The following EIF4A3 variants were observed in gnomAD, a reference collection of about 807,000 sequenced individuals.
EIF4A3 encodes the protein eukaryotic initiation factor 4A-III.
Under a neutral mutation model 55.6 loss-of-function variants are expected in EIF4A3, and 1 was observed. The observed-to-expected ratio is 0.02, with a 90% CI of 0.01 to 0.09. The LOEUF (loss-of-function observed/expected upper bound fraction) is 0.09. Among genes scored for constraint, EIF4A3 ranks in the 10% least tolerant of loss-of-function variants. The pLI is 1.00. For missense variants in EIF4A3, 221 were observed against 540.7 expected, an observed-to-expected ratio of 0.41 and a Z score of 5.86; for synonymous variants, 194 against 196.3, an observed-to-expected ratio of 0.99 and a Z score of 0.10.
Position 80,147,118 on chromosome 17 carries a change from G to A in EIF4A3, c.-157C>T, listed in dbSNP as rs1024746324. ...CTGCCGACCTCGCTGTGCCGCTGCCGACCTCGCTGTGCCGCTGCCGAGAAC... is the reference window on the plus strand; with the variant it reads ...CTGCCGACCTCGCTGTGCCGCTGCCAACCTCGCTGTGCCGCTGCCGAGAAC... On this transcript the variant is annotated 5_prime_UTR_variant, in exon 1 of 12. Transcript: ENST00000649764. The A allele has an allele frequency of 1.7e-6, 2 of 1,170,440 alleles. No homozygotes were observed. Among genetic ancestry groups the A allele is most frequent in the African/African-American group, 1.6e-5 (1 of 61,546 alleles). 72.5% of individuals were successfully genotyped at this position (1,170,440 alleles called of 1,614,324 possible).
intron 4 of EIF4A3, 110 bp from the exon 5 acceptor site, chr17:80,140,250 A>G (rs2039606302): frequency 1.5e-6 from 2 of 1,292,652 alleles, no homozygotes; most frequent in Non-Finnish European, 2.0e-6. Context: ...TATTTATGCC[A>G]TTATTATCTC....
At position 80,134,876 on chromosome 17, in the gene EIF4A3, G is replaced by C. The variant is rs904103931; in HGVS notation, c.*614C>G. On this transcript the variant is annotated 3_prime_UTR_variant, in exon 12 of 12. Transcript: ENST00000649764. ...TAGAAAAGTGAGTGAAATGGGCCGG[G>C]TGCAGTGGCTCACGCCTGTAATCCC... 1.3e-5 allele frequency among the ~76,000 whole-genome samples: 2 copies of C among 152,302 alleles called. 1 individual carries two copies. Among genetic ancestry groups the C allele is most frequent in the African/African-American group, 4.8e-5 (2 of 41,578 alleles).
In EIF4A3 at chr17:80,134,524, A is replaced by C. The variant is rs1047882242; in HGVS notation, c.*966T>G. On this transcript the variant is annotated 3_prime_UTR_variant, in exon 12 of 12. Coordinates refer to ENST00000649764, the MANE Select transcript of EIF4A3 (RefSeq NM_014740.4). ...GGGCTCTCAAAAAAACAACAAAAAA[A>C]AAAAATTAGAAAAATGAGGCCAGGC... is the stretch of plus-strand genomic sequence containing the variant. Among the ~76,000 whole-genome samples the C allele has an allele frequency of 3.3e-5, 5 of 151,994 alleles. No individual in the cohort carries two copies. The highest frequency in any genetic ancestry group is 2.9e-5 in the Non-Finnish European group (2 of 68,006).
Position 80,139,012 on chromosome 17 carries a change from G to C in EIF4A3, c.728+9C>G, listed in dbSNP as rs1303083765. 1.9e-6 allele frequency: 3 copies of C among 1,612,718 alleles called. No individual in the cohort carries two copies. The highest frequency in any genetic ancestry group is 2.5e-6 in the Non-Finnish European group (3 of 1,179,402). On this transcript the variant is annotated intron_variant, in intron 7 of 11. Transcript: ENST00000649764. ...GTGTTTTAGTAAACTTGACAAGAGG[G>C]GCTCCTACCGTTTCACCAAGATGCG...
chr17:80,138,839 AG>A lies in EIF4A3; in HGVS notation c.728+181del. The stretch of plus-strand genomic sequence containing the variant: ...GGTTTTTTAAAACAGGAATTTTAAA[AG>A]AATTTGCATGCTTTCAATTCCTTTA... On this transcript the variant is annotated intron_variant, in intron 7 of 11. Transcript: ENST00000649764. 3.9e-6 allele frequency: 3 copies of A among 777,468 alleles called. No homozygotes were observed. In the South Asian group the frequency reaches 5.9e-5, roughly 15 times the overall value. The allele number at this position is 777,468 out of a possible 1,614,324, so 48.2% of individuals were successfully genotyped here.
intron 11 of EIF4A3, 106 bp from the exon 12 acceptor site, chr17:80,135,612 C>T (rs904962848): frequency 1.4e-5 from 14 of 1,027,212 alleles, no homozygotes; most frequent in Non-Finnish European, 2.0e-5. Context: ...AAACAAAAAA[C>T]AGGCCAGACA....
chr17:80,141,142 A>G (rs980134435), intron 4 of EIF4A3, among the ~76,000 whole-genome samples, 177 bp downstream of exon 4: 1 of 152,240 alleles, frequency 6.6e-6, no homozygotes, highest in Non-Finnish European at 1.5e-5. Context: ...GCCACACCAA[A>G]AATGACTTAA....
chr17:80,141,456 T>G, intron 3 of EIF4A3, 75 bp from the exon 4 acceptor site: 2 of 1,404,534 alleles, frequency 1.4e-6, no homozygotes, highest in African/African-American at 1.4e-5. Context: ...CACACTCAGA[T>G]CTATATGAGA....
At position 80,147,050 on chromosome 17, in the gene EIF4A3, C is replaced by T. The variant is rs796635074; in HGVS notation, c.-89G>A. 5 of 1,220,834 alleles carry T rather than the reference C, an allele frequency of 4.1e-6. No individual in the cohort carries two copies. In the Admixed American group the frequency reaches 1.6e-4, roughly 39 times the overall value. 75.6% of individuals were successfully genotyped at this position (1,220,834 alleles called of 1,614,324 possible). ...CGCTGTGCCGCTGCCGACCTCGCTG[C>T]CGCTGCCGACCTCGCTGTGCCGCTG... On this transcript the variant is annotated 5_prime_UTR_variant, in exon 1 of 12. Coordinates refer to ENST00000649764, the MANE Select transcript of EIF4A3 (RefSeq NM_014740.4).
Position 80,136,114 on chromosome 17 carries a change from C to T in EIF4A3, c.1109G>A (p.Arg370Gln). The change falls in exon 11 of 12, where the codon CGA (arginine) becomes CAA (glutamine). Residue 370 changes from arginine to glutamine, a missense_variant. Arg to Gln is a conservative substitution (Grantham distance 43, BLOSUM62 1). Coordinates refer to ENST00000649764, the MANE Select transcript of EIF4A3 (RefSeq NM_014740.4). ...AATGGCCACACCCTTCCGGCCGTAT[C>T]GACCTGATCTCCCAATTCTTCAGGA... The part of the protein sequence containing the change: ...LYIHRIGRSG[R>Q]YGRKGVAINF... 1 of 1,614,120 alleles carries T rather than the reference C, an allele frequency of 6.2e-7. No individual in the cohort carries two copies. Among genetic ancestry groups the T allele is most frequent in the Non-Finnish European group, 8.5e-7 (1 of 1,180,026 alleles).
At chr17:80,136,472 C>T in intron 9 of EIF4A3, 137 bp from the exon 10 acceptor site, 2 of 681,886 alleles carry the variant, frequency 2.9e-6, no homozygotes, top group Non-Finnish European at 5.0e-6. Context: ...AACAGTCTGT[C>T]TGCAAACGTG....
At chr17:80,136,554 G>T in intron 9 of EIF4A3, 1 of 546,252 alleles carries the variant, frequency 1.8e-6, no homozygotes, top group Non-Finnish European at 3.2e-6. Context: ...TCGGTCATGT[G>T]CTCCATCAGA....
chr17:80,135,374 C>A lies in EIF4A3; in HGVS notation c.*116G>T. ...TCTTCAAAGGAAGGGAGACGGCAGGCCATTTATGAGAAGAAAGTCCATATA... is the reference window on the plus strand; with the variant it reads ...TCTTCAAAGGAAGGGAGACGGCAGGACATTTATGAGAAGAAAGTCCATATA... On this transcript the variant is annotated 3_prime_UTR_variant, in exon 12 of 12. Coordinates refer to ENST00000649764, the MANE Select transcript of EIF4A3 (RefSeq NM_014740.4). 4 of 1,225,730 alleles carry A rather than the reference C, an allele frequency of 3.3e-6. No individual in the cohort carries two copies. Among genetic ancestry groups the A allele is most frequent in the Admixed American group, 3.3e-5 (1 of 30,750 alleles). 75.9% of individuals were successfully genotyped at this position (1,225,730 alleles called of 1,614,324 possible).
chr17:80,136,383 G>T (rs1409723248), intron 9 of EIF4A3, 48 bp from the exon 10 acceptor site: 3 of 1,478,998 alleles, frequency 2.0e-6, no homozygotes, highest in Non-Finnish European at 1.9e-6. Flanking sequence ...TCATACAAGT[G>T]TAAGACTGGA....
rs542103045 is a variant in EIF4A3 at position 80,138,079 on chromosome 17, G to A, written c.867+63C>T. 32 of 1,574,516 alleles carry A rather than the reference G, an allele frequency of 2.0e-5. No individual in the cohort carries two copies. In the East Asian group the frequency reaches 5.6e-4, roughly 28 times the overall value. On this transcript the variant is annotated intron_variant, in intron 8 of 11. Coordinates refer to ENST00000649764, the MANE Select transcript of EIF4A3 (RefSeq NM_014740.4). ...CCTTTACTGAAAAATCTTGATTTAT[G>A]TCATTCAGAGACTCAATCTGCAGTT...
Position 80,136,696 on chromosome 17 carries a change from C to T in EIF4A3, c.984-361G>A, listed in dbSNP as rs143210721. On this transcript the variant is annotated intron_variant, in intron 9 of 11. Coordinates refer to ENST00000649764, the MANE Select transcript of EIF4A3 (RefSeq NM_014740.4). ...CGGTAACTTCAGCCGGGCATGGCGG[C>T]GGCTTATGCCTGTAATCCCAGCACT... 867 of 208,550 alleles carry T rather than the reference C, an allele frequency of 4.2e-3. 5 individuals are homozygous for T. Among genetic ancestry groups the T allele is most frequent in the South Asian group, 0.015 (158 of 10,686 alleles). 12.9% of individuals were successfully genotyped at this position (208,550 alleles called of 1,614,324 possible). A position where few individuals can be genotyped will look rare whatever the true frequency, so the allele number is the denominator to read the frequency against.
intron 6 of EIF4A3, 77 bp from the exon 7 acceptor site, chr17:80,139,239 C>T: frequency 1.9e-6 from 3 of 1,565,402 alleles, no homozygotes; most frequent in African/African-American, 1.4e-5. Context: ...CCCAGTGTTC[C>T]CACTGGGTTA....
At chr17:80,142,956 T>C (rs2039629744) in intron 2 of EIF4A3, among the ~76,000 whole-genome samples, 2 of 152,144 alleles carry the variant, frequency 1.3e-5, no homozygotes, top group African/African-American at 2.4e-5. Flanking sequence ...GGAGGATCGC[T>C]TGAGGCTGCT....
At chr17:80,138,799 T>G in intron 7 of EIF4A3, 1 of 572,646 alleles carries the variant, frequency 1.7e-6, no homozygotes, top group Non-Finnish European at 3.0e-6. Context: ...TCTCTATATG[T>G]TGCCCAGCCT....
Sources: allele counts gnomAD v4.1 joint callset (sites outside exome capture counted in the v4.1 genomes callset), GRCh38; gene constraint gnomAD v4.1.1; transcripts MANE v1.5; gene names NCBI Gene and HGNC (gene_info 2026-07-23, HGNC 2026-07-21).